Variants in LEPR observed in about 807,000 individuals in gnomAD.
LEPR encodes the protein leptin receptor.
Under a neutral mutation model 114.7 loss-of-function variants are expected in LEPR, and 56 were observed. The observed-to-expected ratio is 0.49, with a 90% confidence interval of 0.39 to 0.61. The LOEUF (loss-of-function observed/expected upper bound fraction) is 0.61. Ranked by LOEUF, LEPR falls within the 20% of genes least tolerant of loss-of-function variation. The probability of loss-of-function intolerance (pLI) is 0.00; values close to 1 mark genes in which losing one functional copy is unlikely to be tolerated. For missense variants in LEPR, 1,202 were observed against 1,352.9 expected (o/e 0.89, Z 1.75); for synonymous variants, 443 against 461.4 (o/e 0.96, Z 0.51).
chr1:65,509,359 C>T (rs1259528869), intron 2 of LEPR, among the ~76,000 whole-genome samples: 3 of 152,092 alleles, frequency 2.0e-5, no homozygotes, highest in Non-Finnish European at 4.4e-5. Flanking sequence ...GAGGAACATT[C>T]TTTCTACTCT....
intron 2 of LEPR, chr1:65,427,722 C>T (rs574942301): frequency 2.9e-6 from 1 of 344,002 alleles, no homozygotes; most frequent in African/African-American, 2.1e-5. Context: ...GAAAATGACT[C>T]ATTACTGCTA....
At chr1:65,429,957 G>A (rs1646454499) in intron 2 of LEPR, 1 of 1,578,732 alleles carries the variant, frequency 6.3e-7, no homozygotes, top group Non-Finnish European at 8.7e-7. Flanking sequence ...GATGCAACCA[G>A]TAGTGCCTGT....
At chr1:65,480,186 G>C (rs1350937481) in intron 2 of LEPR, among the ~76,000 whole-genome samples, 1 of 151,828 alleles carries the variant, frequency 6.6e-6, no homozygotes, top group Non-Finnish European at 1.5e-5. Flanking sequence ...GTCTTGCCTT[G>C]TTCAAGAAGT....
intron 16 of LEPR, among the ~76,000 whole-genome samples, 187 bp downstream of exon 16, chr1:65,618,333 T>TCTTCTCTTCTCTTCTCTTC (rs572203772): frequency 7.7e-6 from 1 of 129,146 alleles, no homozygotes; most frequent in South Asian, 2.4e-4. Context: ...CTCTTCTCTT[T>TCTTCTCTTCTCTTCTCTTC]TCTTTTCTTT....
intron 19 of LEPR, 100 bp downstream of exon 19, chr1:65,623,081 AT>A: frequency 1.8e-6 from 2 of 1,139,802 alleles, no homozygotes; most frequent in Non-Finnish European, 2.5e-6. Context: ...TTAAAAGGTC[AT>A]ATTTTATTCA....
chr1:65,453,541 A>G (rs1646819645), intron 2 of LEPR, among the ~76,000 whole-genome samples: 1 of 151,960 alleles, frequency 6.6e-6, no homozygotes. Flanking sequence ...TTATGTACCC[A>G]GTAGTCATTC....
intron 2 of LEPR, among the ~76,000 whole-genome samples, chr1:65,445,862 T>G (rs183611541): frequency 2.6e-5 from 4 of 152,342 alleles, no homozygotes; most frequent in Admixed American, 2.6e-4. Context: ...CTTAACATTT[T>G]AAGGACATAA....
intron 2 of LEPR, 73 bp from the exon 3 acceptor site, chr1:65,565,473 T>G: frequency 1.4e-6 from 2 of 1,455,722 alleles, no homozygotes; most frequent in Non-Finnish European, 1.9e-6. Context: ...TCCTTTTATG[T>G]TTTCCACAGA....
At chr1:65,540,641 T>C (rs1202261026) in intron 2 of LEPR, among the ~76,000 whole-genome samples, 1 of 152,212 alleles carries the variant, frequency 6.6e-6, no homozygotes, top group Non-Finnish European at 1.5e-5. Context: ...TAAAACACTT[T>C]TCTTTATAAA....
At chr1:65,467,676 C>T (rs985329936) in intron 2 of LEPR, among the ~76,000 whole-genome samples, 22 of 152,340 alleles carry the variant, frequency 1.4e-4, no homozygotes, top group African/African-American at 5.3e-4. Context: ...CCTTGCCGTG[C>T]TGCGGTGGGC....
At chr1:65,548,295 G>A (rs896513549) in intron 2 of LEPR, among the ~76,000 whole-genome samples, 3 of 152,124 alleles carry the variant, frequency 2.0e-5, no homozygotes, top group Non-Finnish European at 4.4e-5. Flanking sequence ...TTGATTTGGG[G>A]TGGAGAGTTC....
chr1:65,576,795 T>C (rs1315712417), intron 5 of LEPR: 3 of 234,662 alleles, frequency 1.3e-5, no homozygotes, highest in South Asian at 6.7e-5. Context: ...TATGGTCCCC[T>C]TTTTTTGGAA....
In LEPR at chr1:65,429,950, G is replaced by A. The variant is rs763123423; in HGVS notation, c.-21+4572G>A. The A allele has an allele frequency of 6.4e-7, 1 of 1,574,192 alleles. No homozygotes were observed. On this transcript the variant is annotated intron_variant, in intron 2 of 19. Coordinates refer to ENST00000349533, the MANE Select transcript of LEPR (RefSeq NM_002303.6). ...CAAAAGAGTCACCTATGACTCAGAT[G>A]CAACCAGTAGTGCCTGTCGGGAACT...
At chr1:65,454,879 T>A (rs1321051263) in intron 2 of LEPR, among the ~76,000 whole-genome samples, 5 of 152,216 alleles carry the variant, frequency 3.3e-5, no homozygotes, top group Admixed American at 2.0e-4. Flanking sequence ...GCAGAGTGTT[T>A]TCCAACTTGG....
At chr1:65,558,526 GTTTTTTT>G (rs1187502644) in intron 2 of LEPR, among the ~76,000 whole-genome samples, 2 of 7,748 alleles carry the variant, frequency 2.6e-4, no homozygotes, top group Non-Finnish European at 4.7e-4. Context: ...TGAATCAGAA[GTTTTTTT>G]TTTTGTTTTT....
At chr1:65,530,686 C>CT (rs770946448) in intron 2 of LEPR, among the ~76,000 whole-genome samples, 38 of 152,122 alleles carry the variant, frequency 2.5e-4, no homozygotes, top group Non-Finnish European at 5.1e-4. Context: ...TTTTGGCCAT[C>CT]TTTTTTACTG....
At chr1:65,607,319 G>T (rs919079826) in intron 11 of LEPR, among the ~76,000 whole-genome samples, 5 of 152,114 alleles carry the variant, frequency 3.3e-5, no homozygotes, top group African/African-American at 1.2e-4. Context: ...ACTTTAGATT[G>T]TCCACTGGCA....
chr1:65,566,402 T>C (rs11208673), intron 3 of LEPR, among the ~76,000 whole-genome samples: 34,705 of 151,918 alleles, frequency 0.23, 4,301 homozygotes, highest in South Asian at 0.29. Context: ...GGGGTTTCAC[T>C]GCGTTGGCCA....
chr1:65,550,526 G>C (rs1038038541), intron 2 of LEPR, among the ~76,000 whole-genome samples: 1 of 152,224 alleles, frequency 6.6e-6, no homozygotes, highest in East Asian at 1.9e-4. Context: ...CATGGCGGGT[G>C]CCCCTGCCCC....
Sources: allele counts gnomAD v4.1 joint callset (sites outside exome capture counted in the v4.1 genomes callset), GRCh38; gene constraint gnomAD v4.1.1; transcripts MANE v1.5; gene names NCBI Gene and HGNC (gene_info 2026-07-23, HGNC 2026-07-21).